ERBB4: variants seen among roughly 807,000 people sequenced by gnomAD.
The protein encoded by ERBB4 is receptor tyrosine-protein kinase erbB-4.
In ERBB4, 42 loss-of-function variants were observed where a neutral mutation model predicts 158.0. That is an observed-to-expected ratio of 0.27 (90% CI 0.21 to 0.34). The LOEUF (loss-of-function observed/expected upper bound fraction) is 0.34. ERBB4 is among the 10% of genes least tolerant of loss of function. ERBB4 has a pLI of 1.00. For missense variants in ERBB4, 1,333 were observed against 1,624.1 expected, an observed-to-expected ratio of 0.82 and a Z score of 3.08; for synonymous variants, 583 against 558.7, an observed-to-expected ratio of 1.04 and a Z score of -0.61.
chr2:211,739,680 A>G (rs1400314802), intron 5 of ERBB4, among the ~76,000 whole-genome samples: 2 of 152,180 alleles, frequency 1.3e-5, no homozygotes, highest in Non-Finnish European at 2.9e-5. Flanking sequence ...CATTTTGACC[A>G]GGATGGTCTC....
At position 211,706,613 on chromosome 2, in the gene ERBB4, A is replaced by C. The variant is rs997826097; in HGVS notation, c.1125-1222T>G. 9.4e-4 allele frequency among the ~76,000 whole-genome samples: 142 copies of C among 151,832 alleles called. 1 individual carries two copies. Among genetic ancestry groups the C allele is most frequent in the Non-Finnish European group, 1.5e-3 (104 of 67,958 alleles). On this transcript the variant is annotated intron_variant, in intron 9 of 27. Coordinates refer to ENST00000342788, the MANE Select transcript of ERBB4 (RefSeq NM_005235.3). ...CATCTTAAAAAAACAAAAAAAAAAAAAACAAAAAAAACTTTGCTTGATTAA... is the reference window on the plus strand; with the variant it reads ...CATCTTAAAAAAACAAAAAAAAAAACAACAAAAAAAACTTTGCTTGATTAA...
chr2:212,150,401 T>G (rs2080829056), intron 1 of ERBB4, among the ~76,000 whole-genome samples: 1 of 152,194 alleles, frequency 6.6e-6, no homozygotes, highest in South Asian at 2.1e-4. Flanking sequence ...TCAGAATAAT[T>G]TCATTTTCCC....
intron 20 of ERBB4, among the ~76,000 whole-genome samples, chr2:211,509,884 C>T (rs931216583): frequency 2.0e-5 from 3 of 151,942 alleles, no homozygotes; most frequent in South Asian, 4.1e-4. Context: ...AAATTAAAAC[C>T]GCAGTGAAAT....
chr2:212,457,411 C>T (rs1175070333), intron 1 of ERBB4, among the ~76,000 whole-genome samples: 1 of 151,948 alleles, frequency 6.6e-6, no homozygotes, highest in Non-Finnish European at 1.5e-5. Context: ...CAGACTGTTC[C>T]AAATTTTGTT....
chr2:212,437,745 G>C (rs2092169636), intron 1 of ERBB4, among the ~76,000 whole-genome samples: 1 of 152,000 alleles, frequency 6.6e-6, no homozygotes, highest in Non-Finnish European at 1.5e-5. Flanking sequence ...TAGAAACACT[G>C]TACTGTCTAT....
intron 2 of ERBB4, among the ~76,000 whole-genome samples, chr2:211,971,347 A>G (rs2081446915): frequency 6.6e-6 from 1 of 152,024 alleles, no homozygotes; most frequent in Non-Finnish European, 1.5e-5. Flanking sequence ...CTCTCCCAAA[A>G]CTGAACCAGG....
rs182753806 is a variant in ERBB4 at position 211,720,140 on chromosome 2, C to T, written c.883+2253G>A. The stretch of plus-strand genomic sequence containing the variant: ...TGAAGCCAATAAGAAAAGTTGTTCC[C>T]GGTAACCGATGCATTTTTAGTAGCA... On this transcript the variant is annotated intron_variant, in intron 7 of 27. Transcript: ENST00000342788. Among the ~76,000 whole-genome samples, 20 of 152,236 alleles carry T rather than the reference C, an allele frequency of 1.3e-4. No homozygotes were observed. The East Asian group carries it at 1.7e-3, about 13-fold the overall frequency.
intron 3 of ERBB4, among the ~76,000 whole-genome samples, chr2:211,795,400 G>A (rs2076362913): frequency 6.6e-6 from 1 of 151,738 alleles, no homozygotes; most frequent in Admixed American, 6.6e-5. Flanking sequence ...ATTTTAAATT[G>A]CTAATTATTT....
rs2081325415 is a variant in ERBB4 at position 212,165,636 on chromosome 2, C to A, written c.83-40733G>T. ...ACACATCCTTAAAATTTATTTCATC[C>A]TTCCCGCATCTTTATACCATCAATG... On this transcript the variant is annotated intron_variant, in intron 1 of 27. Transcript: ENST00000342788. Among the ~76,000 whole-genome samples, 3 of 152,028 alleles carry A rather than the reference C, an allele frequency of 2.0e-5. No individual in the cohort carries two copies. The South Asian group carries it at 6.2e-4, about 32-fold the overall frequency.
intron 2 of ERBB4, among the ~76,000 whole-genome samples, chr2:212,001,372 T>A (rs2076099714): frequency 6.6e-6 from 1 of 152,174 alleles, no homozygotes; most frequent in South Asian, 2.1e-4. Context: ...GTAATTAGAC[T>A]CCTGTATTTT....
intron 2 of ERBB4, among the ~76,000 whole-genome samples, chr2:212,002,935 C>A (rs555740289): frequency 4.0e-5 from 6 of 151,172 alleles, no homozygotes; most frequent in Non-Finnish European, 8.9e-5. Context: ...GTGGTGGGAA[C>A]CTGTAATTCC....
intron 5 of ERBB4, among the ~76,000 whole-genome samples, chr2:211,734,351 A>C (rs1018092157): frequency 6.6e-6 from 1 of 152,188 alleles, no homozygotes; most frequent in East Asian, 1.9e-4. Flanking sequence ...GAATTGGGCA[A>C]ACTATTAGTG....
intron 3 of ERBB4, among the ~76,000 whole-genome samples, chr2:211,834,931 C>T (rs978903865): frequency 5.9e-5 from 9 of 152,062 alleles, no homozygotes; most frequent in Non-Finnish European, 1.2e-4. Context: ...ATTTTAAAAA[C>T]CTATTCATAT....
chr2:211,907,225 T>C (rs1366579502), intron 3 of ERBB4, among the ~76,000 whole-genome samples: 5 of 151,784 alleles, frequency 3.3e-5, no homozygotes, highest in Non-Finnish European at 7.4e-5. Flanking sequence ...TAAATGAGTC[T>C]GTGTTTAAGG....
intron 1 of ERBB4, among the ~76,000 whole-genome samples, chr2:212,226,414 G>GT (rs949869459): frequency 1.3e-5 from 2 of 151,506 alleles, no homozygotes; most frequent in African/African-American, 4.9e-5. Flanking sequence ...AAGACATGGG[G>GT]GGGGGTTTGA....
chr2:211,570,663 C>A (rs183531912), intron 19 of ERBB4, among the ~76,000 whole-genome samples: 1 of 152,152 alleles, frequency 6.6e-6, no homozygotes, highest in African/African-American at 2.4e-5. Flanking sequence ...ACTGTGCTTA[C>A]CACCTTCACT....
chr2:212,464,892 TCACACACACACACA>T (rs148243973), intron 1 of ERBB4, among the ~76,000 whole-genome samples: 3 of 146,142 alleles, frequency 2.1e-5, no homozygotes, highest in Non-Finnish European at 4.6e-5. Context: ...AAGGGAAACA[TCACACACACACACA>T]CACACACACA....
At chr2:211,842,553 C>T (rs762510839) in intron 3 of ERBB4, among the ~76,000 whole-genome samples, 7 of 151,688 alleles carry the variant, frequency 4.6e-5, no homozygotes, top group Non-Finnish European at 1.0e-4. Flanking sequence ...CATAGAATAT[C>T]TCCTATCTTT....
chr2:211,400,623 C>T (rs527963828), intron 25 of ERBB4, among the ~76,000 whole-genome samples: 1 of 150,640 alleles, frequency 6.6e-6, no homozygotes, highest in South Asian at 2.1e-4. Flanking sequence ...TTACCAGAGG[C>T]TGGGAATGGT....
Sources: allele counts gnomAD v4.1 joint callset (sites outside exome capture counted in the v4.1 genomes callset), GRCh38; gene constraint gnomAD v4.1.1; transcripts MANE v1.5; gene names NCBI Gene and HGNC (gene_info 2026-07-23, HGNC 2026-07-21).